AHCTF1: variants seen among roughly 807,000 people sequenced by gnomAD.
AHCTF1 encodes the protein AT-hook containing transcription factor 1.
A neutral mutation model predicts 248.4 loss-of-function variants in AHCTF1; 24 were observed. The ratio of observed to expected loss-of-function variants is 0.10; its 90% CI spans 0.07 to 0.14. The LOEUF (loss-of-function observed/expected upper bound fraction) is 0.14, where lower values mean the gene tolerates loss of function less well. Ranked by LOEUF, AHCTF1 falls within the 10% of genes least tolerant of loss-of-function variation. The probability of loss-of-function intolerance (pLI) is 1.00; values close to 1 mark genes in which losing one functional copy is unlikely to be tolerated. For synonymous variants in AHCTF1, 786 were observed against 929.8 expected, an observed-to-expected ratio of 0.85 and a Z score of 2.81; for missense variants, 2,206 against 2,636.2, an observed-to-expected ratio of 0.84 and a Z score of 3.57.
intron 6 of AHCTF1, 121 bp downstream of exon 6, chr1:246,905,420 C>G: frequency 1.4e-6 from 1 of 691,428 alleles, no homozygotes. Flanking sequence ...TGGCATGAAT[C>G]CGGGAGGCGG....
At chr1:246,880,603 A>C (rs1487776597) in intron 21 of AHCTF1, among the ~76,000 whole-genome samples, 1 of 151,872 alleles carries the variant, frequency 6.6e-6, no homozygotes, top group Non-Finnish European at 1.5e-5. Flanking sequence ...CTTTAAACTG[A>C]TACCTACACC....
chr1:246,866,369 A>C (rs943440262), intron 26 of AHCTF1, among the ~76,000 whole-genome samples: 2 of 152,202 alleles, frequency 1.3e-5, no homozygotes, highest in African/African-American at 2.4e-5. Context: ...TGTCGGTAAT[A>C]ACGACTTTCA....
chr1:246,875,042 TATA>T (rs1558237663), intron 24 of AHCTF1, among the ~76,000 whole-genome samples: 1 of 82,776 alleles, frequency 1.2e-5, no homozygotes. Context: ...GCCAACAACT[TATA>T]TTATAGATAA....
intron 21 of AHCTF1, among the ~76,000 whole-genome samples, chr1:246,882,759 T>C (rs1206347331): frequency 6.6e-6 from 1 of 152,218 alleles, no homozygotes; most frequent in Non-Finnish European, 1.5e-5. Context: ...AGTCTGTTGC[T>C]GTACGGTGCA....
chr1:246,921,798 G>C (rs544006153), intron 1 of AHCTF1, among the ~76,000 whole-genome samples: 14 of 152,214 alleles, frequency 9.2e-5, no homozygotes, highest in Middle Eastern at 6.8e-3. Flanking sequence ...TACGAAATAT[G>C]TTTTTAGACA....
At chr1:246,918,100 T>C (rs1401012081) in intron 2 of AHCTF1, 150 bp downstream of exon 2, 1 of 581,966 alleles carries the variant, frequency 1.7e-6, no homozygotes, top group Non-Finnish European at 2.6e-6. Context: ...AGCTTATAGA[T>C]GTTATATATG....
chr1:246,849,399 C>T (rs576117924), intron 33 of AHCTF1, among the ~76,000 whole-genome samples: 3 of 152,258 alleles, frequency 2.0e-5, no homozygotes, highest in South Asian at 2.1e-4. Context: ...AAATCTGTTA[C>T]GTGAGTTACA....
intron 16 of AHCTF1, 85 bp from the exon 17 acceptor site, chr1:246,890,144 T>C: frequency 3.1e-6 from 3 of 975,466 alleles, no homozygotes; most frequent in East Asian, 2.6e-5. Flanking sequence ...TGTAATTTAA[T>C]ATTTACAGCA....
rs1163958418 is a variant in AHCTF1, at chr1:246,897,966, AG to A, written c.1623+241del. 2.1e-5 allele frequency among the ~76,000 whole-genome samples: 3 copies of A among 140,242 alleles called. No individual in the cohort carries two copies. The East Asian group carries it at 6.2e-4, about 29-fold the overall frequency. The allele number at this position is 140,242 out of a possible 152,430, so 92.0% of individuals were successfully genotyped here. On this transcript the variant is annotated intron_variant, in intron 12 of 35. Coordinates refer to ENST00000648844, the MANE Select transcript of AHCTF1 (RefSeq NM_001323342.2). ...TGCATTCCAGCCTGAGGCAGCCATG[AG>A]GTGTTTCCTGTCCTGTATCCTTCTA...
intron 29 of AHCTF1, among the ~76,000 whole-genome samples, chr1:246,859,982 C>T (rs1280750380): frequency 3.3e-5 from 5 of 152,116 alleles, no homozygotes; most frequent in Non-Finnish European, 7.4e-5. Flanking sequence ...AATAATTTGG[C>T]AGGGCGCGGT....
chr1:246,920,157 A>G lies in AHCTF1; in HGVS notation c.-7-1780T>C, dbSNP rs1666431304. On this transcript the variant is annotated intron_variant, in intron 1 of 35. Coordinates refer to ENST00000648844, the MANE Select transcript of AHCTF1 (RefSeq NM_001323342.2). ...CTGTCCCCCGCAAAAAAAAAAAAAA[A>G]AAAAAAAAAAAGAAAAGAAGCTCAC... Among the ~76,000 whole-genome samples the G allele has an allele frequency of 2.7e-5, 4 of 149,246 alleles. No individual in the cohort carries two copies. In the South Asian group the frequency reaches 6.3e-4, roughly 23 times the overall value.
intron 2 of AHCTF1, among the ~76,000 whole-genome samples, 162 bp from the exon 3 acceptor site, chr1:246,916,557 A>G (rs1666160879): frequency 6.6e-6 from 1 of 152,238 alleles, no homozygotes; most frequent in Non-Finnish European, 1.5e-5. Context: ...CAATAATAAT[A>G]GTCATTCAGT....
chr1:246,902,378 T>C, intron 8 of AHCTF1, 147 bp downstream of exon 8: 2 of 922,342 alleles, frequency 2.2e-6, no homozygotes, highest in Non-Finnish European at 3.2e-6. Flanking sequence ...GCAAGAAATA[T>C]CTAGTATCTC....
At chr1:246,854,962 T>TTTTAC (rs10635304) in intron 31 of AHCTF1, among the ~76,000 whole-genome samples, 99,838 of 151,854 alleles carry the variant, frequency 0.66, 34,955 homozygotes, top group African/African-American at 0.91. Flanking sequence ...GTGATCGGCT[T>TTTTAC]TTTACATGTT....
rs41308196 is a variant in AHCTF1, at chr1:246,860,986, T to C, written c.4045A>G (p.Thr1349Ala). 9.5e-3 allele frequency: 15,391 copies of C among 1,613,962 alleles called. 85 individuals are homozygous for C. The highest frequency in any genetic ancestry group is 0.012 in the Non-Finnish European group (13,687 of 1,179,848). ...TTTTCAGTTTGTTCAGTTACATTAG[T>C]AGTTAGTGCAGTGGAAGAGCTTTTG... ...KPKSSSTALT[T>A]NVTEQTEKDG... is the part of the protein sequence containing the mutation. The change falls in exon 29 of 36, where the codon ACT becomes GCT. Residue 1349 changes from threonine to alanine, a missense_variant. Thr to Ala is a moderately conservative substitution (Grantham distance 58). This residue lies in a region of AHCTF1 where 955 missense variants were observed against 1,055.6 expected (regional missense o/e 0.90). Coordinates refer to ENST00000648844, the MANE Select transcript of AHCTF1 (RefSeq NM_001323342.2).
chr1:246,885,857 T>C (rs1663781246), intron 20 of AHCTF1, among the ~76,000 whole-genome samples, 177 bp from the exon 21 acceptor site: 1 of 152,184 alleles, frequency 6.6e-6, no homozygotes, highest in Non-Finnish European at 1.5e-5. Context: ...ACAGGATCCA[T>C]ATCTGCAGAC....
At position 246,853,104 on chromosome 1, in the gene AHCTF1, G is replaced by C; in HGVS notation, c.4550C>G (p.Thr1517Ser). 6.2e-7 allele frequency: 1 copy of C among 1,605,842 alleles called. No individual in the cohort carries two copies. Among genetic ancestry groups the C allele is most frequent in the Non-Finnish European group, 8.5e-7 (1 of 1,177,358 alleles). The part of the protein sequence containing the change: ...KLPISDSPPD[T>S]QEIHVIEQEK... ...AATTTTTTTTACATGAATTTCTTGA[G>C]TATCAGGAGGGCTGTCAGAAATTGG... The change falls in exon 32 of 36, where the codon ACT becomes AGT. Residue 1517 changes from threonine (T) to serine (S), a missense_variant. Thr to Ser is a moderately conservative substitution (Grantham distance 58, BLOSUM62 1). This residue lies in a region of AHCTF1 where 955 missense variants were observed against 1,055.6 expected (regional missense o/e 0.90). Coordinates refer to ENST00000648844, the MANE Select transcript of AHCTF1 (RefSeq NM_001323342.2).
At chr1:246,856,684 A>C (rs1303260994) in intron 30 of AHCTF1, among the ~76,000 whole-genome samples, 4 of 152,246 alleles carry the variant, frequency 2.6e-5, no homozygotes, top group African/African-American at 7.2e-5. Flanking sequence ...AAAAAACATT[A>C]CAATGAAAAA....
chr1:246,874,416 A>ACTT, intron 24 of AHCTF1, among the ~76,000 whole-genome samples: 1 of 152,348 alleles, frequency 6.6e-6, no homozygotes, highest in Non-Finnish European at 1.5e-5. Context: ...TTAACTTGCT[A>ACTT]AACCTTTTGA....
Sources: gnomAD v4.1 joint callset for allele counts (sites outside exome capture counted in the v4.1 genomes callset) on GRCh38, gnomAD v4.1.1 for gene constraint, gnomAD v4.1.1 regional missense constraint, MANE v1.5 for transcripts, NCBI Gene and HGNC (gene_info 2026-07-23, HGNC 2026-07-21) for gene names.